The following CYTH1 variants were observed in gnomAD, a reference collection of about 807,000 sequenced individuals.
CYTH1 encodes the protein cytohesin-1.
In CYTH1, 18 loss-of-function variants were observed where a neutral mutation model predicts 61.8. The ratio of observed to expected loss-of-function variants is 0.29; its 90% confidence interval spans 0.20 to 0.43. The LOEUF (loss-of-function observed/expected upper bound fraction) is 0.43. Ranked by LOEUF, CYTH1 falls within the 20% of genes least tolerant of loss-of-function variation. The probability of loss-of-function intolerance (pLI) is 1.00; values close to 1 mark genes in which losing one functional copy is unlikely to be tolerated. For synonymous variants in CYTH1, 174 were observed against 184.3 expected (o/e 0.94, Z 0.45); for missense variants, 336 against 510.5 (o/e 0.66, Z 3.29).
At chr17:78,701,804 CTG>C (rs1193673965) in intron 5 of CYTH1, 53 bp from the exon 6 acceptor site, 2 of 1,570,860 alleles carry the variant, frequency 1.3e-6, no homozygotes, top group African/African-American at 2.7e-5. Flanking sequence ...GGCACCAACA[CTG>C]AGAATCTCCA....
intron 1 of CYTH1, among the ~76,000 whole-genome samples, chr17:78,720,583 T>C (rs890639288): frequency 1.3e-5 from 2 of 151,982 alleles, no homozygotes; most frequent in African/African-American, 4.8e-5. Flanking sequence ...CCTCCCAAAG[T>C]GCTGGAATTA....
At chr17:78,706,588 G>C (rs1271488745) in intron 3 of CYTH1, among the ~76,000 whole-genome samples, 1 of 152,212 alleles carries the variant, frequency 6.6e-6, no homozygotes, top group Non-Finnish European at 1.5e-5. Flanking sequence ...GAATGCTATA[G>C]ATATTCTTGT....
intron 3 of CYTH1, 58 bp downstream of exon 3, chr17:78,708,139 C>T (rs1173238264): frequency 6.4e-7 from 1 of 1,563,986 alleles, no homozygotes; most frequent in Non-Finnish European, 8.8e-7. Context: ...ATAATTAAGG[C>T]CTGGGTGCTT....
At chr17:78,704,061 C>A (rs2093040567) in intron 3 of CYTH1, among the ~76,000 whole-genome samples, 2 of 152,146 alleles carry the variant, frequency 1.3e-5, no homozygotes, top group Admixed American at 6.5e-5. Context: ...ATTCACAGAC[C>A]AAGCTTCTCA....
At chr17:78,767,609 A>G (rs932826736) in intron 1 of CYTH1, among the ~76,000 whole-genome samples, 2 of 152,214 alleles carry the variant, frequency 1.3e-5, no homozygotes, top group Admixed American at 1.3e-4. Flanking sequence ...ATGGTTGAAT[A>G]GATGAACAAA....
chr17:78,680,098 GC>G, intron 13 of CYTH1, 91 bp downstream of exon 13: 1 of 1,500,538 alleles, frequency 6.7e-7, no homozygotes, highest in East Asian at 2.3e-5. Context: ...CAGAAGAGAT[GC>G]GGGCGGCATG....
At chr17:78,714,237 C>A (rs1197488524) in intron 1 of CYTH1, among the ~76,000 whole-genome samples, 1 of 152,062 alleles carries the variant, frequency 6.6e-6, no homozygotes, top group African/African-American at 2.4e-5. Context: ...TTGCAGTGAG[C>A]CAAGATGGCA....
intron 1 of CYTH1, among the ~76,000 whole-genome samples, chr17:78,753,400 C>A (rs1021010816): frequency 6.6e-6 from 1 of 152,220 alleles, no homozygotes; most frequent in Admixed American, 6.5e-5. Context: ...CTTGGCCAGG[C>A]AGTGGCTCAT....
chr17:78,682,641 C>T (rs1176700194), intron 11 of CYTH1, among the ~76,000 whole-genome samples: 3 of 152,262 alleles, frequency 2.0e-5, no homozygotes, highest in African/African-American at 7.2e-5. Context: ...GACCCTCACA[C>T]CTGGCTGCTA....
chr17:78,708,348 C>T, intron 2 of CYTH1, 87 bp from the exon 3 acceptor site: 1 of 1,243,264 alleles, frequency 8.0e-7, no homozygotes, highest in Non-Finnish European at 1.1e-6. Context: ...TCCCTCCAAC[C>T]AAAAACAAAA....
chr17:78,781,343 C>G (rs894926910), intron 1 of CYTH1, among the ~76,000 whole-genome samples: 2 of 152,256 alleles, frequency 1.3e-5, no homozygotes, highest in Admixed American at 1.3e-4. Context: ...AATAAATTAA[C>G]TACAGCATGT....
At chr17:78,730,653 C>T (rs1447665591) in intron 1 of CYTH1, among the ~76,000 whole-genome samples, 6 of 151,620 alleles carry the variant, frequency 4.0e-5, no homozygotes, top group African/African-American at 9.7e-5. Flanking sequence ...ATACAAGTTA[C>T]GAAATTATTA....
intron 11 of CYTH1, among the ~76,000 whole-genome samples, chr17:78,685,310 T>C (rs560811082): frequency 6.6e-6 from 1 of 152,074 alleles, no homozygotes; most frequent in East Asian, 1.9e-4. Flanking sequence ...TACAAAATCT[T>C]CTAATTCTTC....
chr17:78,686,657 TC>T (rs1273145683), intron 11 of CYTH1, among the ~76,000 whole-genome samples: 1 of 152,152 alleles, frequency 6.6e-6, no homozygotes, highest in Non-Finnish European at 1.5e-5. Flanking sequence ...TGGGCAGCAG[TC>T]CCCAGCCTTT....
chr17:78,775,509 T>A (rs1026232039), intron 1 of CYTH1, among the ~76,000 whole-genome samples: 1 of 152,258 alleles, frequency 6.6e-6, no homozygotes, highest in Admixed American at 6.5e-5. Context: ...CTCGTTTTTT[T>A]AATTCTTGCT....
At chr17:78,763,644 G>C (rs749593399) in intron 1 of CYTH1, among the ~76,000 whole-genome samples, 2 of 152,154 alleles carry the variant, frequency 1.3e-5, no homozygotes, top group Non-Finnish European at 2.9e-5. Context: ...AAAATATGCT[G>C]TAATAAGAGT....
At chr17:78,678,231 C>G (rs2092721468) in intron 13 of CYTH1, 1 of 152,232 alleles carries the variant, frequency 6.6e-6, no homozygotes, top group Non-Finnish European at 1.5e-5. Context: ...GAAGTAAAAA[C>G]CATATGAAAG....
At chr17:78,766,712 G>A (rs1368379623) in intron 1 of CYTH1, among the ~76,000 whole-genome samples, 7 of 151,904 alleles carry the variant, frequency 4.6e-5, no homozygotes, top group African/African-American at 9.7e-5. Flanking sequence ...AAGAAAGAAC[G>A]TTTAGAAAGT....
rs2092744079 is a variant in CYTH1, at chr17:78,680,180, A to G, written c.1118+10T>C. On this transcript the variant is annotated intron_variant, in intron 13 of 13. Transcript: ENST00000446868. The stretch of plus-strand genomic sequence containing the variant: ...CAGGCGCGCACTGCCCTTTCTCAGC[A>G]GTCACTTACTTAATGCACTTAATCC... The G allele has an allele frequency of 1.2e-6, 2 of 1,614,012 alleles. No homozygotes were observed. Among genetic ancestry groups the G allele is most frequent in the East Asian group, 4.5e-5 (2 of 44,876 alleles).
Sources: allele counts gnomAD v4.1 joint callset (sites outside exome capture counted in the v4.1 genomes callset), GRCh38; gene constraint gnomAD v4.1.1; transcripts MANE v1.5; gene names NCBI Gene and HGNC (gene_info 2026-07-23, HGNC 2026-07-21).